Variants in CDK12 observed in about 807,000 individuals in gnomAD.
CDK12 encodes cyclin-dependent kinase 12.
In CDK12, 17 loss-of-function variants were observed where a neutral mutation model predicts 133.8. The observed-to-expected ratio is 0.13, with a 90% CI of 0.09 to 0.19. The LOEUF (loss-of-function observed/expected upper bound fraction) is 0.19, where lower values mean the gene tolerates loss of function less well. Among genes scored for constraint, CDK12 ranks in the 10% least tolerant of loss-of-function variants. CDK12 has a pLI of 1.00. For missense variants in CDK12, 1,508 were observed against 1,818.7 expected (o/e 0.83, Z 3.11); for synonymous variants, 694 against 683.6 (o/e 1.02, Z -0.24).
chr17:39,492,740 T>G lies in CDK12; in HGVS notation c.2109-11T>G. On this transcript the variant is annotated splice_polypyrimidine_tract_variant and intron_variant, in intron 3 of 13. Transcript: ENST00000447079. The stretch of plus-strand genomic sequence containing the variant: ...TTCTTAAATAACTATTTTGTTGTTT[T>G]TACTTTTTAGAATTTGTTGTCCTCG... 6.2e-7 allele frequency: 1 copy of G among 1,605,358 alleles called. No homozygotes were observed. Among genetic ancestry groups the G allele is most frequent in the East Asian group, 2.2e-5 (1 of 44,790 alleles).
rs2054866797 is a variant in CDK12 at position 39,531,932 on chromosome 17, ACT to A, written c.*617_*618del. 1 of 233,676 alleles carries A rather than the reference ACT, an allele frequency of 4.3e-6. No homozygotes were observed. The highest frequency in any genetic ancestry group is 2.2e-5 in the African/African-American group (1 of 45,304). 14.5% of individuals were successfully genotyped at this position (233,676 alleles called of 1,614,324 possible). Reference sequence around the variant, plus strand: ...TTTCCCCATTGAGCATCTTGAACATACTTTTTTTCCAAATAAATTACTCATCC... The same window carrying A: ...TTTCCCCATTGAGCATCTTGAACATATTTTTTCCAAATAAATTACTCATCC... On this transcript the variant is annotated 3_prime_UTR_variant, in exon 14 of 14. Transcript: ENST00000447079.
intron 9 of CDK12, among the ~76,000 whole-genome samples, 154 bp from the exon 10 acceptor site, chr17:39,517,286 C>T (rs1366907895): frequency 6.6e-6 from 1 of 152,152 alleles, no homozygotes; most frequent in Non-Finnish European, 1.5e-5. Context: ...GCCCTTAAAG[C>T]AGTAATGTCA....
intron 2 of CDK12, among the ~76,000 whole-genome samples, chr17:39,483,689 AATTTATTT>A (rs71353589): frequency 0.13 from 19,547 of 148,844 alleles, 1,666 homozygotes; most frequent in African/African-American, 0.25. Flanking sequence ...AAACAGTTAC[AATTTATTT>A]ATTTATTTAT....
Position 39,531,234 on chromosome 17 carries a change from A to C in CDK12, c.4391A>C (p.Gln1464Pro). Residue 1464 changes from glutamine to proline, a missense_variant, in exon 14 of 14, where the codon CAG becomes CCG. Around this residue, in one of 9 missense-constraint regions of CDK12, gnomAD observed 114 missense variants for 101.2 expected, o/e 1.13. Transcript: ENST00000447079. ...GGCCTTCACTGGGGGGGCCCAACTCAGTCTTCTGCTTATGGAAAACTCTAT... is the reference window on the plus strand; with the variant it reads ...GGCCTTCACTGGGGGGGCCCAACTCCGTCTTCTGCTTATGGAAAACTCTAT... Reference protein sequence around the residue: ...GAGLHWGGPTQSSAYGKLYRG... With the variant: ...GAGLHWGGPTPSSAYGKLYRG... 1 of 1,514,924 alleles carries C rather than the reference A, an allele frequency of 6.6e-7. No homozygotes were observed. Among genetic ancestry groups the C allele is most frequent in the Non-Finnish European group, 8.8e-7 (1 of 1,133,948 alleles). The allele number at this position is 1,514,924 out of a possible 1,614,324, so 93.8% of individuals were successfully genotyped here.
chr17:39,485,438 A>T (rs2051045819), intron 2 of CDK12, among the ~76,000 whole-genome samples: 1 of 122,060 alleles, frequency 8.2e-6, no homozygotes, highest in South Asian at 2.9e-4. Context: ...TTTGGGAAAC[A>T]GAGTCTCACT....
chr17:39,473,467 C>T (rs1020439945), intron 2 of CDK12, among the ~76,000 whole-genome samples: 1 of 152,028 alleles, frequency 6.6e-6, no homozygotes, highest in Non-Finnish European at 1.5e-5. Context: ...TAAGGCTGGG[C>T]TTGGTGGCTC....
chr17:39,468,814 T>A (rs35855410), intron 1 of CDK12, among the ~76,000 whole-genome samples: 50,013 of 147,964 alleles, frequency 0.34, 8,796 homozygotes, highest in South Asian at 0.48. Context: ...TTAATTTATT[T>A]ATTTATTTAT....
At chr17:39,555,191 G>A (rs1481596444) in intron 2 of CDK12, among the ~76,000 whole-genome samples, 2 of 152,000 alleles carry the variant, frequency 1.3e-5, no homozygotes, top group Non-Finnish European at 2.9e-5. Context: ...GTTGCAGTGA[G>A]CCGAGATCGC....
At chr17:39,482,687 A>G (rs932294447) in intron 2 of CDK12, among the ~76,000 whole-genome samples, 3 of 135,574 alleles carry the variant, frequency 2.2e-5, no homozygotes, top group African/African-American at 5.5e-5. Context: ...ACTGCAACCT[A>G]CGCCTCCCAG....
In CDK12 at chr17:39,462,541, A is replaced by G. The variant is rs964807686; in HGVS notation, c.470A>G (p.Glu157Gly). ...GGAAGTTCAAAGCGTTCGAATGAGGAGACTGATGACTATGGGAAGGCGCAG... is the reference window on the plus strand; with the variant it reads ...GGAAGTTCAAAGCGTTCGAATGAGGGGACTGATGACTATGGGAAGGCGCAG... ...ISGSSKRSNEETDDYGKAQVA... is the reference protein window; with the variant it reads ...ISGSSKRSNEGTDDYGKAQVA... The change falls in exon 1 of 14, where the codon GAG becomes GGG. Residue 157 changes from glutamate (E) to glycine (G), a missense_variant. By Grantham distance (98) the Glu-to-Gly change is moderately conservative (BLOSUM62 -2). This residue lies in a region of CDK12 where 460 missense variants were observed against 490.8 expected (regional missense o/e 0.94). Transcript: ENST00000447079. 5 of 1,614,064 alleles carry G rather than the reference A, an allele frequency of 3.1e-6. No individual in the cohort carries two copies. Among genetic ancestry groups the G allele is most frequent in the Admixed American group, 3.3e-5 (2 of 59,996 alleles).
Position 39,532,469 on chromosome 17 carries a change from AAAC to A in CDK12, c.*1156_*1158del, listed in dbSNP as rs2054923741. 4.3e-6 allele frequency: 1 copy of A among 232,246 alleles called. No homozygotes were observed. The allele number at this position is 232,246 out of a possible 1,614,324, so 14.4% of individuals were successfully genotyped here. On this transcript the variant is annotated 3_prime_UTR_variant, in exon 14 of 14. Coordinates refer to ENST00000447079, the MANE Select transcript of CDK12 (RefSeq NM_016507.4). ...CACATATATTTTTATGTCAAAAAAAAAACAAAAACCTTTCAAACAGAGCATTGT... is the reference window on the plus strand; with the variant it reads ...CACATATATTTTTATGTCAAAAAAAAAAAAACCTTTCAAACAGAGCATTGT...
chr17:39,469,201 G>T (rs995698193), intron 1 of CDK12, among the ~76,000 whole-genome samples: 1 of 152,122 alleles, frequency 6.6e-6, no homozygotes, highest in Non-Finnish European at 1.5e-5. Flanking sequence ...GAGAATTAAT[G>T]ACATTTGGGT....
intron 2 of CDK12, among the ~76,000 whole-genome samples, chr17:39,485,025 C>T (rs892702932): frequency 6.6e-6 from 1 of 151,696 alleles, no homozygotes; most frequent in Non-Finnish European, 1.5e-5. Context: ...AAAAAATTAG[C>T]CAGGCGTGAT....
At chr17:39,521,098 G>A (rs2054137125) in intron 11 of CDK12, among the ~76,000 whole-genome samples, 1 of 152,068 alleles carries the variant, frequency 6.6e-6, no homozygotes, top group South Asian at 2.1e-4. Context: ...GCCCACCTCG[G>A]CCTCCCAAAG....
chr17:39,490,973 A>G (rs771511847), intron 3 of CDK12, among the ~76,000 whole-genome samples: 20 of 152,168 alleles, frequency 1.3e-4, no homozygotes, highest in Admixed American at 2.6e-4. Flanking sequence ...CAGATATACT[A>G]TGAATGTTTA....
chr17:39,523,354 A>G (rs893267995), intron 11 of CDK12, among the ~76,000 whole-genome samples: 1 of 152,046 alleles, frequency 6.6e-6, no homozygotes, highest in African/African-American at 2.4e-5. Flanking sequence ...GTGTACCTGT[A>G]GTCCCAGCTA....
At position 39,527,735 on chromosome 17, in the gene CDK12, C is replaced by T. The variant is rs138858442; in HGVS notation, c.3760+1419C>T. Among the ~76,000 whole-genome samples the T allele has an allele frequency of 9.3e-3, 1,407 of 151,994 alleles. 19 individuals carry two copies. Among genetic ancestry groups the T allele is most frequent in the African/African-American group, 0.032 (1,330 of 41,444 alleles). On this transcript the variant is annotated intron_variant, in intron 13 of 13. Transcript: ENST00000447079. ...GCTAATTTTGTATTTTTAGTGGAAA[C>T]GAGGTTTCACCATGTTAGCCAGGCT...
chr17:39,501,962 A>C (rs1310534141), intron 6 of CDK12, among the ~76,000 whole-genome samples: 2 of 149,942 alleles, frequency 1.3e-5, no homozygotes, highest in Non-Finnish European at 3.0e-5. Context: ...CTCCTGCCTC[A>C]GTGTCCCAAG....
intron 7 of CDK12, among the ~76,000 whole-genome samples, chr17:39,510,599 TTCTC>T (rs2146347666): frequency 3.5e-5 from 1 of 28,232 alleles, no homozygotes; most frequent in East Asian, 2.5e-3. Context: ...TTTTTCTCTC[TTCTC>T]TTCTCTTCTC....
Sources: gnomAD v4.1 joint callset for allele counts (sites outside exome capture counted in the v4.1 genomes callset) on GRCh38, gnomAD v4.1.1 for gene constraint, gnomAD v4.1.1 regional missense constraint, MANE v1.5 for transcripts, NCBI Gene and HGNC (gene_info 2026-07-23, HGNC 2026-07-21) for gene names.